Variants in CTBP2 observed in about 807,000 individuals in gnomAD.
CTBP2 encodes C-terminal-binding protein 2.
CTBP2 carries 30 observed loss-of-function variants against 80.3 expected under a neutral mutation model. That is an observed-to-expected ratio of 0.37 (90% CI 0.28 to 0.51). The LOEUF (loss-of-function observed/expected upper bound fraction) is 0.51, where lower values mean the gene tolerates loss of function less well. Among genes scored for constraint, CTBP2 ranks in the 20% least tolerant of loss-of-function variants. CTBP2 has a pLI of 0.93. For missense variants in CTBP2, 1,212 were observed against 1,375.3 expected (o/e 0.88, Z 1.88); for synonymous variants, 594 against 587.4 (o/e 1.01, Z -0.16).
At chr10:125,046,305 G>A (rs1385274196) in intron 2 of CTBP2, among the ~76,000 whole-genome samples, 1 of 152,150 alleles carries the variant, frequency 6.6e-6, no homozygotes, top group Non-Finnish European at 1.5e-5. Flanking sequence ...GGGAGGCCAA[G>A]GAGGGTGGAT....
chr10:124,986,289 G>GCACACACACACACACACA lies in CTBP2; in HGVS notation c.*3228_*3229insTGTGTGTGTGTGTGTGTG, dbSNP rs1348841236. On this transcript the variant is annotated 3_prime_UTR_variant, in exon 9 of 9. Transcript: ENST00000309035. ...AAAGACGACACACGCACGCGCGCGC[G>GCACACACACACACACACA]CGCACACACACACACACACACACAC... 8.3e-5 allele frequency: 9 copies of GCACACACACACACACACA among 108,438 alleles called. No individual in the cohort carries two copies. The highest frequency in any genetic ancestry group is 3.3e-4 in the African/African-American group (9 of 27,626). 6.7% of individuals were successfully genotyped at this position (108,438 alleles called of 1,614,324 possible).
At chr10:125,129,314 G>A (rs971773794) in intron 1 of CTBP2, among the ~76,000 whole-genome samples, 1 of 152,076 alleles carries the variant, frequency 6.6e-6, no homozygotes, top group Admixed American at 6.5e-5. Flanking sequence ...GGGGTACGCA[G>A]GTATGTGCGT....
intron 2 of CTBP2, among the ~76,000 whole-genome samples, chr10:125,097,998 G>A (rs1439298309): frequency 6.6e-6 from 1 of 152,112 alleles, no homozygotes; most frequent in Non-Finnish European, 1.5e-5. Flanking sequence ...GCGGGCGCCT[G>A]TAGTCCCAGC....
intron 2 of CTBP2, among the ~76,000 whole-genome samples, chr10:125,098,742 G>GAGAGAC (rs1850093722): frequency 9.4e-6 from 1 of 106,650 alleles, no homozygotes; most frequent in Non-Finnish European, 1.9e-5. Context: ...GAGAGAGAGA[G>GAGAGAC]AGAGAGACAG....
intron 2 of CTBP2, among the ~76,000 whole-genome samples, chr10:125,104,079 C>A (rs1431595617): frequency 6.6e-6 from 1 of 152,198 alleles, no homozygotes; most frequent in Non-Finnish European, 1.5e-5. Flanking sequence ...ACCTTCACCA[C>A]CAATTCTCGT....
chr10:125,077,418 C>T (rs1445424565), intron 2 of CTBP2, among the ~76,000 whole-genome samples: 2 of 152,100 alleles, frequency 1.3e-5, no homozygotes, highest in African/African-American at 4.8e-5. Context: ...GGAGTGACTC[C>T]CTTATCTGTG....
At chr10:125,084,531 A>G (rs1390347151) in intron 2 of CTBP2, among the ~76,000 whole-genome samples, 3 of 152,014 alleles carry the variant, frequency 2.0e-5, no homozygotes, top group South Asian at 2.1e-4. Flanking sequence ...CTGGGAAGGG[A>G]GGGCGTGAGG....
At chr10:125,005,584 G>A (rs1955131362) in intron 1 of CTBP2, 19 of 1,612,412 alleles carry the variant, frequency 1.2e-5, no homozygotes, top group Non-Finnish European at 1.5e-5. Flanking sequence ...GAAGCGTGCA[G>A]CACAAAGCTG....
In CTBP2 at chr10:124,984,849, G is replaced by A. The variant is rs1951997878; in HGVS notation, c.*4669C>T. On this transcript the variant is annotated 3_prime_UTR_variant, in exon 9 of 9. Coordinates refer to ENST00000309035, the MANE Select transcript of CTBP2 (RefSeq NM_022802.3). ...CTGTGTGACGGAGGGGGGAGTTCTG[G>A]TTGCCATGCAGAAGAGTTCTCGGCG... is the stretch of plus-strand genomic sequence containing the variant. 1 of 1,613,880 alleles carries A rather than the reference G, an allele frequency of 6.2e-7. No homozygotes were observed. The highest frequency in any genetic ancestry group is 1.1e-5 in the South Asian group (1 of 91,066).
At position 124,993,955 on chromosome 10, in the gene CTBP2, C is replaced by T; in HGVS notation, c.2431G>A (p.Ala811Thr). 1 of 1,614,198 alleles carries T rather than the reference C, an allele frequency of 6.2e-7. No individual in the cohort carries two copies. Among genetic ancestry groups the T allele is most frequent in the South Asian group, 1.1e-5 (1 of 91,084 alleles). ...TTCTCGTCCACCAGGCCGCCACGGG[C>T]TGCGTTCACAAGGAATGCTCCCTGC... is the stretch of plus-strand genomic sequence containing the variant. The change falls in exon 6 of 9, where the codon GCC (alanine) becomes ACC (threonine). Residue 811 changes from alanine (A) to threonine (T), a missense_variant. This residue lies in a region of CTBP2 where 335 missense variants were observed against 504.7 expected (regional missense o/e 0.66). Transcript: ENST00000309035.
At chr10:125,006,942 CA>C (rs1326731643) in intron 1 of CTBP2, among the ~76,000 whole-genome samples, 1 of 152,240 alleles carries the variant, frequency 6.6e-6, no homozygotes, top group Non-Finnish European at 1.5e-5. Flanking sequence ...ACAAGGCTGA[CA>C]AGAGTCCTGC....
chr10:125,015,053 T>C (rs1406109806), intron 1 of CTBP2, among the ~76,000 whole-genome samples: 1 of 151,980 alleles, frequency 6.6e-6, no homozygotes, highest in Non-Finnish European at 1.5e-5. Context: ...CTTCCTTGGG[T>C]AGAGGAAAAA....
At chr10:125,012,702 C>T (rs555547275) in intron 1 of CTBP2, among the ~76,000 whole-genome samples, 20 of 152,210 alleles carry the variant, frequency 1.3e-4, no homozygotes, top group African/African-American at 2.2e-4. Context: ...TGCAGTGGCG[C>T]GATCTCGGCT....
upstream of CTBP2, chr10:125,161,084 G>T: frequency 6.8e-6 from 1 of 146,010 alleles, no homozygotes; most frequent in Admixed American, 6.9e-5. Context: ...GGGGGGCAAA[G>T]GCGGGGTCTC....
At chr10:124,998,768 C>T (rs1249124758) in intron 3 of CTBP2, 1 of 161,754 alleles carries the variant, frequency 6.2e-6, no homozygotes, top group Non-Finnish European at 1.4e-5. Flanking sequence ...GTCATGTGCT[C>T]AGCACCCTGC....
chr10:125,058,517 C>T (rs919793839), intron 2 of CTBP2, among the ~76,000 whole-genome samples: 6 of 152,170 alleles, frequency 3.9e-5, no homozygotes, highest in African/African-American at 7.2e-5. Context: ...CACGGCCGGG[C>T]GCGGTGGCTT....
At position 125,026,394 on chromosome 10, in the gene CTBP2, G is replaced by A; in HGVS notation, c.1366C>T (p.Pro456Ser). The change falls in exon 1 of 9, where the codon CCC becomes TCC. Residue 456 changes from proline (P) to serine (S), a missense_variant. Coordinates refer to ENST00000309035, the MANE Select transcript of CTBP2 (RefSeq NM_022802.3). ...GTCAAGGCCACCCCTGCCTGCAGGG[G>A]GTACGTGGGGCTCAGACGCGCTGTC... 1.2e-6 allele frequency: 2 copies of A among 1,610,846 alleles called. No individual in the cohort carries two copies. The highest frequency in any genetic ancestry group is 1.7e-6 in the Non-Finnish European group (2 of 1,177,668).
chr10:125,016,701 C>G (rs373896551), intron 1 of CTBP2, among the ~76,000 whole-genome samples: 9 of 152,236 alleles, frequency 5.9e-5, no homozygotes, highest in Non-Finnish European at 1.0e-4. Flanking sequence ...TGCGCCCAGG[C>G]CCAGCTCACA....
At chr10:125,097,462 T>C (rs1849703869) in intron 2 of CTBP2, among the ~76,000 whole-genome samples, 1 of 152,172 alleles carries the variant, frequency 6.6e-6, no homozygotes, top group Admixed American at 6.5e-5. Flanking sequence ...CTCAGTTCTC[T>C]ACCGTGGAGA....
Sources: allele counts gnomAD v4.1 joint callset (sites outside exome capture counted in the v4.1 genomes callset), GRCh38; gene constraint gnomAD v4.1.1; regional missense constraint gnomAD v4.1.1; transcripts MANE v1.5; gene names NCBI Gene and HGNC (gene_info 2026-07-23, HGNC 2026-07-21).